Variants in LRRTM4 observed in about 807,000 individuals in gnomAD.
The protein encoded by LRRTM4 is leucine rich repeat transmembrane neuronal 4, also known as leucine-rich repeat transmembrane neuronal protein 4.
A neutral mutation model predicts 47.6 loss-of-function variants in LRRTM4; 25 were observed. The observed-to-expected ratio is 0.53, with a 90% CI of 0.38 to 0.73. The LOEUF (loss-of-function observed/expected upper bound fraction) is 0.73. Among genes scored for constraint, LRRTM4 ranks in the 30% least tolerant of loss-of-function variants. The pLI, the probability that LRRTM4 is intolerant of heterozygous loss-of-function variation, is 0.00. For synonymous variants in LRRTM4, 311 were observed against 269.5 expected (o/e 1.15, Z -1.51); for missense variants, 638 against 713.4 (o/e 0.89, Z 1.20).
At chr2:77,040,857 A>G (rs187615134) in intron 3 of LRRTM4, among the ~76,000 whole-genome samples, 5 of 151,628 alleles carry the variant, frequency 3.3e-5, no homozygotes, top group Admixed American at 2.0e-4. Flanking sequence ...GTTTTAATAT[A>G]TGTATACATT....
At chr2:77,376,376 T>C (rs1438806846) in intron 3 of LRRTM4, among the ~76,000 whole-genome samples, 2 of 151,610 alleles carry the variant, frequency 1.3e-5, no homozygotes, top group East Asian at 3.9e-4. Context: ...ATGCTACTAT[T>C]AACTAAACTC....
At chr2:77,428,557 C>T (rs1164441225) in intron 3 of LRRTM4, among the ~76,000 whole-genome samples, 1 of 152,122 alleles carries the variant, frequency 6.6e-6, no homozygotes, top group Non-Finnish European at 1.5e-5. Context: ...TAGAATATTG[C>T]CTTTTCCCAT....
At chr2:76,791,036 G>A (rs1674943931) in intron 3 of LRRTM4, among the ~76,000 whole-genome samples, 1 of 152,172 alleles carries the variant, frequency 6.6e-6, no homozygotes, top group South Asian at 2.1e-4. Flanking sequence ...CAATGATAAA[G>A]AGGTAATTTA....
At chr2:76,887,506 C>CAT (rs914636993) in intron 3 of LRRTM4, among the ~76,000 whole-genome samples, 20 of 141,460 alleles carry the variant, frequency 1.4e-4, no homozygotes, top group African/African-American at 4.5e-4. Context: ...TATATATACA[C>CAT]ATATATATAT....
chr2:77,411,368 C>T (rs183860412), intron 3 of LRRTM4, among the ~76,000 whole-genome samples: 1 of 151,424 alleles, frequency 6.6e-6, no homozygotes. Context: ...CCGGGGTCTT[C>T]GATTTCTTTC....
chr2:77,017,680 A>G (rs377239261), intron 3 of LRRTM4, among the ~76,000 whole-genome samples: 5 of 152,180 alleles, frequency 3.3e-5, no homozygotes, highest in East Asian at 3.8e-4. Flanking sequence ...TCCTCCTCCT[A>G]TACTTACAAC....
intron 3 of LRRTM4, among the ~76,000 whole-genome samples, chr2:77,162,943 C>G (rs548037273): frequency 2.0e-5 from 3 of 152,256 alleles, no homozygotes; most frequent in African/African-American, 7.2e-5. Flanking sequence ...CAGCTCCTCA[C>G]CAGCAACAGA....
At position 77,299,325 on chromosome 2, in the gene LRRTM4, GTGTATATATGTATATACGTATATATA is replaced by G. The variant is rs1338670353; in HGVS notation, c.1551+218967_1551+218992del. On this transcript the variant is annotated intron_variant, in intron 3 of 3. Coordinates refer to ENST00000409884, the MANE Select transcript of LRRTM4 (RefSeq NM_001134745.3). Reference sequence around the variant, plus strand: ...TATACACGTATATACATATATATGTGTGTATATATGTATATACGTATATATATGTATATATGTGTGTATATATATAC... The same window carrying G: ...TATACACGTATATACATATATATGTGTGTATATATGTGTGTATATATATAC... 1.3e-4 allele frequency among the ~76,000 whole-genome samples: 19 copies of G among 150,164 alleles called. No homozygotes were observed. The East Asian group carries it at 3.7e-3, about 29-fold the overall frequency.
intron 3 of LRRTM4, among the ~76,000 whole-genome samples, chr2:76,905,667 T>C (rs932473770): frequency 0.062 from 6 of 96 alleles, no homozygotes; most frequent in African/African-American, 0.2. Context: ...CTGACTGAGC[T>C]GAAACCAAGG....
rs543213352 is a variant in LRRTM4 at position 77,051,739 on chromosome 2, A to G, written c.1552-302823T>C. Among the ~76,000 whole-genome samples the G allele has an allele frequency of 1.7e-3, 257 of 152,290 alleles. 1 individual carries two copies. Among genetic ancestry groups the G allele is most frequent in the Non-Finnish European group, 1.4e-3 (93 of 68,032 alleles). On this transcript the variant is annotated intron_variant, in intron 3 of 3. Coordinates refer to ENST00000409884, the MANE Select transcript of LRRTM4 (RefSeq NM_001134745.3). ...GGGCTGTCATCTGTTAGCATTAACT[A>G]TTTACATAAAGACAAAATTAATGAT...
chr2:76,966,535 C>G (rs72823122), intron 3 of LRRTM4, among the ~76,000 whole-genome samples: 34,781 of 151,178 alleles, frequency 0.23, 4,907 homozygotes, highest in East Asian at 0.55. Context: ...ACTACGCAAG[C>G]AAACAAACAC....
intron 3 of LRRTM4, among the ~76,000 whole-genome samples, chr2:77,350,332 CAAAAAAAAAAAAAA>C (rs61365229): frequency 2.8e-4 from 11 of 39,186 alleles, no homozygotes; most frequent in East Asian, 1.3e-3. Flanking sequence ...GACTCCGTCT[CAAAAAAAAAAAAAA>C]AAAAAAAAAA....
intron 3 of LRRTM4, among the ~76,000 whole-genome samples, chr2:77,241,210 A>G (rs1352429530): frequency 2.7e-5 from 2 of 73,982 alleles, no homozygotes; most frequent in African/African-American, 1.4e-4. Context: ...GGAAATACAC[A>G]CACACACACA....
chr2:77,047,838 AG>A (rs1191026518), intron 3 of LRRTM4, among the ~76,000 whole-genome samples: 1 of 152,086 alleles, frequency 6.6e-6, no homozygotes, highest in East Asian at 1.9e-4. Context: ...ATAAACTATT[AG>A]GGTTTATGAA....
At chr2:77,315,452 T>C (rs1241840618) in intron 3 of LRRTM4, among the ~76,000 whole-genome samples, 3 of 152,214 alleles carry the variant, frequency 2.0e-5, no homozygotes, top group Non-Finnish European at 4.4e-5. Context: ...CATTTTTCTA[T>C]AACAAATATA....
chr2:77,406,153 A>C (rs769251295), intron 3 of LRRTM4, among the ~76,000 whole-genome samples: 33 of 151,938 alleles, frequency 2.2e-4, no homozygotes, highest in Admixed American at 6.6e-5. Context: ...CTGGGGGAGG[A>C]GAGTGGCAGA....
At chr2:76,802,251 CTG>C (rs1675738185) in intron 3 of LRRTM4, among the ~76,000 whole-genome samples, 1 of 143,552 alleles carries the variant, frequency 7.0e-6, no homozygotes, top group Non-Finnish European at 1.5e-5. Flanking sequence ...AAAAAAAAAA[CTG>C]TTAGAATAAA....
At chr2:77,308,529 T>G (rs1677354605) in intron 3 of LRRTM4, among the ~76,000 whole-genome samples, 1 of 152,174 alleles carries the variant, frequency 6.6e-6, no homozygotes, top group South Asian at 2.1e-4. Flanking sequence ...AGGCATTTTT[T>G]TATCTTTATC....
At chr2:77,370,313 A>C (rs1313157360) in intron 3 of LRRTM4, among the ~76,000 whole-genome samples, 1 of 151,758 alleles carries the variant, frequency 6.6e-6, no homozygotes, top group Non-Finnish European at 1.5e-5. Flanking sequence ...TCTTGGCTTG[A>C]TGAAGTCATG....
Sources: allele counts gnomAD v4.1 joint callset (sites outside exome capture counted in the v4.1 genomes callset), GRCh38; gene constraint gnomAD v4.1.1; transcripts MANE v1.5; gene names NCBI Gene and HGNC (gene_info 2026-07-23, HGNC 2026-07-21).